FOXP1: variants seen among roughly 807,000 people sequenced by gnomAD.
The protein encoded by FOXP1 is forkhead box protein P1.
In FOXP1, 15 loss-of-function variants were observed where a neutral mutation model predicts 98.2. That is an observed-to-expected ratio of 0.15 (90% CI 0.10 to 0.24). FOXP1 has a LOEUF of 0.24. Ranked by LOEUF, FOXP1 falls within the 10% of genes least tolerant of loss-of-function variation. The pLI is 1.00. For synonymous variants in FOXP1, 371 were observed against 314.5 expected, an observed-to-expected ratio of 1.18 and a Z score of -1.90; for missense variants, 633 against 848.5, an observed-to-expected ratio of 0.75 and a Z score of 3.15.
intron 6 of FOXP1, 29 bp from the exon 7 acceptor site, chr3:71,112,666 C>A: frequency 6.6e-7 from 1 of 1,523,992 alleles, no homozygotes; most frequent in Non-Finnish European, 9.1e-7. Flanking sequence ...AAATCCTTTG[C>A]GTTACTACAC....
intron 3 of FOXP1, among the ~76,000 whole-genome samples, chr3:71,426,931 C>T (rs2084209706): frequency 6.6e-6 from 1 of 151,920 alleles, no homozygotes; most frequent in Non-Finnish European, 1.5e-5. Flanking sequence ...CATGGTGGTA[C>T]ATGCCTGTAA....
At chr3:71,272,498 T>C (rs932921767) in intron 5 of FOXP1, among the ~76,000 whole-genome samples, 11 of 151,982 alleles carry the variant, frequency 7.2e-5, no homozygotes, top group Non-Finnish European at 1.5e-5. Flanking sequence ...GCCTCAGTAA[T>C]AGAGAAGACC....
At position 71,558,678 on chromosome 3, in the gene FOXP1, A is replaced by G. The variant is rs186995976; in HGVS notation, c.-298+22871T>C. Among the ~76,000 whole-genome samples, 834 of 151,186 alleles carry G rather than the reference A, an allele frequency of 5.5e-3. 11 individuals are homozygous for G. Among genetic ancestry groups the G allele is most frequent in the African/African-American group, 0.019 (793 of 41,118 alleles). The stretch of plus-strand genomic sequence containing the variant: ...CCCAGCTAATTTTTGTATTTTTAGT[A>G]GAGACGGGGTTTCACTATGTTGGCC... On this transcript the variant is annotated intron_variant, in intron 2 of 20. Coordinates refer to ENST00000649528, the MANE Select transcript of FOXP1 (RefSeq NM_001349338.3).
intron 7 of FOXP1, among the ~76,000 whole-genome samples, chr3:71,106,405 G>A (rs1381121822): frequency 3.9e-5 from 6 of 152,080 alleles, no homozygotes; most frequent in South Asian, 4.2e-4. Context: ...GCGTGATCTC[G>A]GCTCACTGCA....
chr3:70,985,775 C>T (rs1448005428), intron 14 of FOXP1, among the ~76,000 whole-genome samples: 1 of 152,032 alleles, frequency 6.6e-6, no homozygotes, highest in Non-Finnish European at 1.5e-5. Context: ...AAACCTCACA[C>T]AGACGGCCTA....
In FOXP1 at chr3:71,173,410, C is replaced by T. The variant is rs551412458; in HGVS notation, c.180+24792G>A. 2.6e-4 allele frequency among the ~76,000 whole-genome samples: 39 copies of T among 152,002 alleles called. No individual in the cohort carries two copies. The East Asian group carries it at 7.1e-3, about 28-fold the overall frequency. On this transcript the variant is annotated intron_variant, in intron 6 of 20. Transcript: ENST00000649528. ...ACACACACACACACACACACACACACACACACACACACTTTTTGCCTTAGT... is the reference window on the plus strand; with the variant it reads ...ACACACACACACACACACACACACATACACACACACACTTTTTGCCTTAGT...
At chr3:71,250,452 A>G (rs1180006299) in intron 5 of FOXP1, among the ~76,000 whole-genome samples, 1 of 152,270 alleles carries the variant, frequency 6.6e-6, no homozygotes, top group Non-Finnish European at 1.5e-5. Flanking sequence ...TAATTTAAAT[A>G]GCCACACATG....
chr3:71,119,291 T>C (rs929250885), intron 6 of FOXP1, among the ~76,000 whole-genome samples: 3 of 152,212 alleles, frequency 2.0e-5, no homozygotes, highest in African/African-American at 4.8e-5. Context: ...GAAGACAGCA[T>C]GTGCCTTATT....
intron 3 of FOXP1, among the ~76,000 whole-genome samples, chr3:71,468,244 AGTCT>A (rs1231480476): frequency 6.6e-6 from 1 of 152,174 alleles, no homozygotes; most frequent in East Asian, 1.9e-4. Context: ...TGAACTCAGG[AGTCT>A]GTAAGAAATT....
rs1001014581 is a variant in FOXP1 at position 71,538,143 on chromosome 3, G to C, written c.-298+43406C>G. Among the ~76,000 whole-genome samples, 14 of 152,338 alleles carry C rather than the reference G, an allele frequency of 9.2e-5. 1 individual carries two copies. In the Middle Eastern group the frequency reaches 0.02, roughly 222 times the overall value. On this transcript the variant is annotated intron_variant, in intron 2 of 20. Coordinates refer to ENST00000649528, the MANE Select transcript of FOXP1 (RefSeq NM_001349338.3). ...TGCCTCATTCTACAAGTAAAGAAAT[G>C]CAGACAGATCGTGAAATCTTTTTAT...
intron 2 of FOXP1, among the ~76,000 whole-genome samples, chr3:71,499,156 TG>T (rs1179443712): frequency 2.6e-5 from 4 of 152,182 alleles, no homozygotes; most frequent in Admixed American, 1.3e-4. Flanking sequence ...CCACAGAAGA[TG>T]GGGTATTCAT....
chr3:71,412,823 A>T (rs192057189), intron 3 of FOXP1, among the ~76,000 whole-genome samples: 13 of 152,302 alleles, frequency 8.5e-5, no homozygotes, highest in African/African-American at 9.6e-5. Context: ...ATATTTTTTT[A>T]AAAAATTGAC....
intron 13 of FOXP1, among the ~76,000 whole-genome samples, chr3:70,999,248 C>G (rs574193144): frequency 6.6e-6 from 1 of 152,268 alleles, no homozygotes; most frequent in African/African-American, 2.4e-5. Context: ...CGCCACCACA[C>G]CTGGCTAATT....
chr3:71,074,160 A>C (rs1257064073), intron 7 of FOXP1, among the ~76,000 whole-genome samples: 1 of 152,190 alleles, frequency 6.6e-6, no homozygotes, highest in Non-Finnish European at 1.5e-5. Context: ...CCTCCAAACA[A>C]CCGGATGAAG....
intron 2 of FOXP1, chr3:71,581,048 A>G (rs1461076339): frequency 1.0e-6 from 1 of 973,674 alleles, no homozygotes; most frequent in Non-Finnish European, 1.2e-6. Context: ...CCCAAGCCTC[A>G]CAGATGAGGG....
chr3:71,434,631 G>GGAGT (rs1553883024), intron 3 of FOXP1, among the ~76,000 whole-genome samples: 1 of 142,266 alleles, frequency 7.0e-6, no homozygotes. Context: ...GAGGGGATGG[G>GGAGT]GTGTGTGTGT....
chr3:70,977,704 T>C lies in FOXP1; in HGVS notation c.1367A>G (p.Gln456Arg). ...PISSADIAQN[Q>R]EFYKNAEVRP... ...AACTTCTGCGTTCTTATAAAATTCT[T>C]GGTTCTGCGCAATATCTGCTGAATA... The change falls in exon 16 of 21, where the codon CAA becomes CGA. Residue 456 changes from glutamine (Q) to arginine (R), a missense_variant. By Grantham distance (43) the Gln-to-Arg change is conservative. Transcript: ENST00000649528. 6.2e-7 allele frequency: 1 copy of C among 1,614,224 alleles called. No homozygotes were observed. The highest frequency in any genetic ancestry group is 8.5e-7 in the Non-Finnish European group (1 of 1,180,006).
chr3:71,412,178 G>A (rs2082803550), intron 3 of FOXP1, among the ~76,000 whole-genome samples: 1 of 150,422 alleles, frequency 6.6e-6, no homozygotes. Context: ...GTCGCATGGT[G>A]TAGGGGATCT....
chr3:71,051,170 T>C (rs565999499), intron 9 of FOXP1, among the ~76,000 whole-genome samples: 6 of 152,346 alleles, frequency 3.9e-5, no homozygotes, highest in Non-Finnish European at 7.3e-5. Flanking sequence ...CCTGTGCCAT[T>C]TCCATTTTAA....
Sources: allele counts gnomAD v4.1 joint callset (sites outside exome capture counted in the v4.1 genomes callset), GRCh38; gene constraint gnomAD v4.1.1; transcripts MANE v1.5; gene names NCBI Gene and HGNC (gene_info 2026-07-23, HGNC 2026-07-21).